Variants in CRYL1 observed in about 807,000 individuals in gnomAD.
CRYL1 encodes the protein crystallin lambda 1.
A neutral mutation model predicts 36.6 loss-of-function variants in CRYL1; 29 were observed. The observed-to-expected ratio is 0.79, with a 90% CI of 0.59 to 1.08. The LOEUF (loss-of-function observed/expected upper bound fraction) is 1.08. Among genes scored for constraint, CRYL1 ranks in the 50% least tolerant of loss-of-function variants. The pLI, the probability that CRYL1 is intolerant of heterozygous loss-of-function variation, is 0.00. For synonymous variants in CRYL1, 152 were observed against 151.5 expected (o/e 1.00, Z -0.02); for missense variants, 411 against 407.9 (o/e 1.01, Z -0.06).
chr13:20,465,897 G>C (rs773610679), intron 3 of CRYL1, among the ~76,000 whole-genome samples: 1 of 151,770 alleles, frequency 6.6e-6, no homozygotes, highest in Non-Finnish European at 1.5e-5. Context: ...CCTCCTGGAG[G>C]GGGGCTATGA....
rs1308492515 is a variant in CRYL1 at position 20,481,170 on chromosome 13, C to T, written c.276+8200G>A. Reference sequence around the variant, plus strand: ...ACTTCGCAAGTGAAAACTGAAGGCTCGTGCTTCCAGATGATCTCGTGAGTG... The same window carrying T: ...ACTTCGCAAGTGAAAACTGAAGGCTTGTGCTTCCAGATGATCTCGTGAGTG... On this transcript the variant is annotated intron_variant, in intron 3 of 7. Coordinates refer to ENST00000298248, the MANE Select transcript of CRYL1 (RefSeq NM_015974.3). The surrounding 1 kb of genome is among the most constrained non-coding windows in gnomAD (Gnocchi z 4.1). 6.6e-6 allele frequency among the ~76,000 whole-genome samples: 1 copy of T among 152,174 alleles called. No individual in the cohort carries two copies. The highest frequency in any genetic ancestry group is 2.4e-5 in the African/African-American group (1 of 41,444).
chr13:20,472,853 A>G (rs1411780771), intron 3 of CRYL1: 1 of 152,452 alleles, frequency 6.6e-6, no homozygotes, highest in African/African-American at 2.4e-5. Flanking sequence ...GCACCCCAGG[A>G]AATCACAGGA....
intron 2 of CRYL1, among the ~76,000 whole-genome samples, chr13:20,495,335 G>A (rs920884491): frequency 6.6e-6 from 1 of 152,076 alleles, no homozygotes; most frequent in Admixed American, 6.6e-5. Flanking sequence ...CTAACACTAG[G>A]ACTCAAAATA....
chr13:20,439,514 CAAAAAAA>C, intron 4 of CRYL1, 72 bp downstream of exon 4: 2 of 330,892 alleles, frequency 6.0e-6, no homozygotes, highest in Non-Finnish European at 9.1e-6. Context: ...CCCTCCCCCG[CAAAAAAA>C]AAAAAAAAAG....
At chr13:20,520,652 T>C (rs1368987769) in intron 1 of CRYL1, among the ~76,000 whole-genome samples, 1 of 152,098 alleles carries the variant, frequency 6.6e-6, no homozygotes, top group African/African-American at 2.4e-5. Flanking sequence ...CCAGCTGGTG[T>C]CTTTTCCCCC....
At chr13:20,464,148 A>G (rs1020162140) in intron 3 of CRYL1, among the ~76,000 whole-genome samples, 3 of 152,250 alleles carry the variant, frequency 2.0e-5, no homozygotes, top group African/African-American at 7.2e-5. Flanking sequence ...AAACATTTCC[A>G]TATACATAAA....
intron 1 of CRYL1, among the ~76,000 whole-genome samples, chr13:20,517,703 G>A (rs529957419): frequency 9.9e-5 from 15 of 152,202 alleles, no homozygotes; most frequent in East Asian, 3.9e-4. Context: ...TTGGGAGGCC[G>A]AGGCGGGTGG....
intron 3 of CRYL1, among the ~76,000 whole-genome samples, chr13:20,471,167 C>T (rs765191739): frequency 3.0e-4 from 45 of 152,014 alleles, no homozygotes; most frequent in Non-Finnish European, 5.9e-4. Context: ...AAGAGTATGA[C>T]GTGGCTATTA....
At chr13:20,498,998 C>G (rs1344436733) in intron 2 of CRYL1, among the ~76,000 whole-genome samples, 1 of 152,154 alleles carries the variant, frequency 6.6e-6, no homozygotes, top group Non-Finnish European at 1.5e-5. Context: ...CTATTAGGTT[C>G]CCTGAAGTCC....
intron 2 of CRYL1, among the ~76,000 whole-genome samples, chr13:20,494,779 T>C (rs1324641352): frequency 1.3e-5 from 2 of 152,174 alleles, no homozygotes; most frequent in African/African-American, 4.8e-5. Context: ...CAGCAAGCAG[T>C]GGCAAGAAAA....
At chr13:20,420,414 C>T (rs2031773175) in intron 5 of CRYL1, among the ~76,000 whole-genome samples, 1 of 151,916 alleles carries the variant, frequency 6.6e-6, no homozygotes, top group Admixed American at 6.6e-5. Flanking sequence ...GAGCCCACTC[C>T]CAGAATTATT....
chr13:20,452,380 G>C (rs1435944297), intron 3 of CRYL1, among the ~76,000 whole-genome samples: 1 of 152,136 alleles, frequency 6.6e-6, no homozygotes, highest in Admixed American at 6.6e-5. Flanking sequence ...AAAGAAACCT[G>C]CTGTTGCTAT....
Position 20,404,194 on chromosome 13 carries a change from T to G in CRYL1, c.895A>C (p.Arg299=). The change falls in exon 8 of 8, where the codon AGG becomes CGG. Residue 299 remains arginine (R), a synonymous_variant. Coordinates refer to ENST00000298248, the MANE Select transcript of CRYL1 (RefSeq NM_015974.3). ...PDDPEHLAAR[R]QWRDECLMRL... ...ATGAGGCACTCGTCCCTCCACTGCCTCCTGGCAGCTAAGTGCTCCGGGTCA... is the reference window on the plus strand; with the variant it reads ...ATGAGGCACTCGTCCCTCCACTGCCGCCTGGCAGCTAAGTGCTCCGGGTCA... The G allele has an allele frequency of 6.2e-7, 1 of 1,613,924 alleles. No homozygotes were observed. The highest frequency in any genetic ancestry group is 8.5e-7 in the Non-Finnish European group (1 of 1,179,958).
intron 5 of CRYL1, chr13:20,418,682 TC>T (rs1335085816): frequency 6.6e-6 from 1 of 152,230 alleles, no homozygotes; most frequent in Non-Finnish European, 1.5e-5. Context: ...CTTTTGATCT[TC>T]TATTTTGTTT....
intron 3 of CRYL1, among the ~76,000 whole-genome samples, chr13:20,488,610 C>G (rs141823537): frequency 1.3e-5 from 2 of 152,174 alleles, no homozygotes; most frequent in African/African-American, 2.4e-5. Context: ...AACAGAGTAA[C>G]GACGTGAAAT....
intron 3 of CRYL1, among the ~76,000 whole-genome samples, chr13:20,472,691 G>A (rs2033085469): frequency 6.6e-6 from 1 of 152,238 alleles, no homozygotes; most frequent in African/African-American, 2.4e-5. Context: ...GGCCCTCTGA[G>A]GCCTGGGACT....
At chr13:20,427,184 G>A (rs2031951446) in intron 5 of CRYL1, 7 of 985,350 alleles carry the variant, frequency 7.1e-6, no homozygotes, top group African/African-American at 7.0e-5. Context: ...CAGCCAATAA[G>A]ATCACGTGAC....
At chr13:20,471,560 G>A (rs984951985) in intron 3 of CRYL1, among the ~76,000 whole-genome samples, 15 of 151,624 alleles carry the variant, frequency 9.9e-5, no homozygotes, top group Non-Finnish European at 2.1e-4. Context: ...AGCCGAGATC[G>A]CACCACTGCA....
chr13:20,495,909 T>A (rs1027791629), intron 2 of CRYL1, among the ~76,000 whole-genome samples: 1 of 152,212 alleles, frequency 6.6e-6, no homozygotes, highest in African/African-American at 2.4e-5. Context: ...GCGATTCTCC[T>A]GCCTCAGCTT....
Sources: gnomAD v4.1 joint callset for allele counts (sites outside exome capture counted in the v4.1 genomes callset) on GRCh38, gnomAD v4.1.1 for gene constraint, Gnocchi (gnomAD v3.1) non-coding constraint, MANE v1.5 for transcripts, NCBI Gene and HGNC (gene_info 2026-07-23, HGNC 2026-07-21) for gene names.